The following TLL2 variants were observed in gnomAD, a reference collection of about 807,000 sequenced individuals.
The protein encoded by TLL2 is tolloid like 2.
A neutral mutation model predicts 123.0 loss-of-function variants in TLL2; 106 were observed. That is an observed-to-expected ratio of 0.86 (90% CI 0.74 to 1.01). The LOEUF (loss-of-function observed/expected upper bound fraction) is 1.01. Among genes scored for constraint, TLL2 ranks in the 50% least tolerant of loss-of-function variants. The probability of loss-of-function intolerance (pLI) is 0.00; values close to 1 mark genes in which losing one functional copy is unlikely to be tolerated. For missense variants in TLL2, 1,332 were observed against 1,336.7 expected (o/e 1.00, Z 0.06); for synonymous variants, 494 against 516.8 (o/e 0.96, Z 0.60).
intron 1 of TLL2, among the ~76,000 whole-genome samples, chr10:96,498,740 C>T (rs750438451): frequency 3.9e-5 from 6 of 152,208 alleles, no homozygotes; most frequent in Non-Finnish European, 7.3e-5. Flanking sequence ...TACTTTTCCA[C>T]CCCTTCCATA....
chr10:96,371,798 G>C (rs1390668171), intron 19 of TLL2, among the ~76,000 whole-genome samples: 2 of 152,196 alleles, frequency 1.3e-5, no homozygotes, highest in Non-Finnish European at 2.9e-5. Context: ...GGGAGCACCA[G>C]CAGATCAGAG....
chr10:96,426,165 A>G (rs59815794), intron 5 of TLL2, among the ~76,000 whole-genome samples: 7,130 of 152,114 alleles, frequency 0.047, 535 homozygotes, highest in African/African-American at 0.16. Flanking sequence ...TCTTTGACCA[A>G]TCAATCTTGA....
At chr10:96,438,556 T>C (rs1231074934) in intron 3 of TLL2, among the ~76,000 whole-genome samples, 1 of 152,248 alleles carries the variant, frequency 6.6e-6, no homozygotes, top group Non-Finnish European at 1.5e-5. Context: ...TTTTCCTTAA[T>C]AGATTTCTTA....
chr10:96,440,210 C>T (rs1352517534), intron 3 of TLL2, among the ~76,000 whole-genome samples: 1 of 152,190 alleles, frequency 6.6e-6, no homozygotes. Flanking sequence ...GTGAATTTTT[C>T]TGGTAGACTG....
At chr10:96,459,030 A>G (rs1847046767) in intron 2 of TLL2, among the ~76,000 whole-genome samples, 1 of 152,240 alleles carries the variant, frequency 6.6e-6, no homozygotes, top group African/African-American at 2.4e-5. Flanking sequence ...AAATGTGTAT[A>G]ACTGCAAGAG....
intron 4 of TLL2, among the ~76,000 whole-genome samples, chr10:96,431,875 G>A (rs1000559272): frequency 2.6e-5 from 4 of 152,146 alleles, no homozygotes; most frequent in African/African-American, 9.7e-5. Flanking sequence ...GCCATGCAAA[G>A]ACCTGGGGAA....
At position 96,365,605 on chromosome 10, in the gene TLL2, A is replaced by T. The variant is rs2134046894; in HGVS notation, c.*2483T>A. On this transcript the variant is annotated 3_prime_UTR_variant, in exon 21 of 21. Transcript: ENST00000357947. ...CTACCTCTGCTGTTTGCTTCTGGGG[A>T]TGCTTGCAGGCAGGTCACTGATAAT... 1 of 152,364 alleles carries T rather than the reference A, an allele frequency of 6.6e-6. No homozygotes were observed. The highest frequency in any genetic ancestry group is 6.5e-5 in the Admixed American group (1 of 15,306). The allele number at this position is 152,364 out of a possible 1,614,324, so 9.4% of individuals were successfully genotyped here.
intron 3 of TLL2, among the ~76,000 whole-genome samples, chr10:96,436,834 T>C (rs4919019): frequency 0.91 from 137,494 of 151,890 alleles, 63,612 homozygotes; most frequent in Non-Finnish European, 1. Flanking sequence ...CACAGGCATA[T>C]GCCACCACCC....
At chr10:96,418,762 T>G (rs1846591366) in intron 7 of TLL2, among the ~76,000 whole-genome samples, 1 of 147,912 alleles carries the variant, frequency 6.8e-6, no homozygotes. Context: ...ATAATAATTA[T>G]TAATAGCTAA....
chr10:96,497,720 T>C (rs1847491337), intron 1 of TLL2, among the ~76,000 whole-genome samples: 1 of 152,214 alleles, frequency 6.6e-6, no homozygotes, highest in Non-Finnish European at 1.5e-5. Context: ...TTTGTTCCCT[T>C]AACCCTGCAT....
intron 5 of TLL2, among the ~76,000 whole-genome samples, chr10:96,425,006 C>CT (rs1294534701): frequency 1.0e-3 from 149 of 142,776 alleles, no homozygotes; most frequent in East Asian, 1.4e-3. Flanking sequence ...AGGAGTCCAG[C>CT]TTTTTTTTTT....
At chr10:96,453,851 T>A (rs1275317241) in intron 2 of TLL2, among the ~76,000 whole-genome samples, 1 of 152,236 alleles carries the variant, frequency 6.6e-6, no homozygotes, top group Non-Finnish European at 1.5e-5. Context: ...ATTGTGATTA[T>A]CTCTGGTGGT....
chr10:96,378,992 G>A lies in TLL2; in HGVS notation c.2295C>T (p.His765=), dbSNP rs776952682. 31 of 1,614,186 alleles carry A rather than the reference G, an allele frequency of 1.9e-5. No homozygotes were observed. The highest frequency in any genetic ancestry group is 5.5e-5 in the South Asian group (5 of 91,088). The change falls in exon 17 of 21, where the codon CAC becomes CAT. Residue 765 remains histidine (H), a synonymous_variant. Transcript: ENST00000357947. ...CCTCTTTGCAGTCATGCCCATTCTCGTGGAGCCAGTAGCCGTTTCTGCACC... is the reference window on the plus strand; with the variant it reads ...CCTCTTTGCAGTCATGCCCATTCTCATGGAGCCAGTAGCCGTTTCTGCACC... The part of the protein sequence containing the change: ...LCRCRNGYWL[H]ENGHDCKEAG...
At chr10:96,410,108 A>C (rs953628415) in intron 9 of TLL2, among the ~76,000 whole-genome samples, 1 of 152,194 alleles carries the variant, frequency 6.6e-6, no homozygotes, top group Non-Finnish European at 1.5e-5. Context: ...GTATTTGTTA[A>C]GGTTGGAAGG....
At chr10:96,448,770 C>T (rs115302778) in intron 2 of TLL2, among the ~76,000 whole-genome samples, 1,533 of 151,748 alleles carry the variant, frequency 0.01, 25 homozygotes, top group African/African-American at 0.035. Context: ...TGTGCTTGGC[C>T]GGGGGGAGGT....
At chr10:96,374,294 T>A (rs1846113967) in intron 18 of TLL2, 1 of 170,006 alleles carries the variant, frequency 5.9e-6, no homozygotes, top group African/African-American at 2.4e-5. Flanking sequence ...ATGTGTCTAA[T>A]CCCCGCTTTA....
rs1291923073 is a variant in TLL2, at chr10:96,366,233, C to T, written c.*1855G>A. 1.3e-5 allele frequency: 2 copies of T among 152,572 alleles called. No individual in the cohort carries two copies. Among genetic ancestry groups the T allele is most frequent in the African/African-American group, 2.4e-5 (1 of 41,440 alleles). The allele number at this position is 152,572 out of a possible 1,614,324, so 9.5% of individuals were successfully genotyped here. On this transcript the variant is annotated 3_prime_UTR_variant, in exon 21 of 21. Transcript: ENST00000357947. ...AGCTGCTCCATTTGCTGTATCAAAGCGCACGCTGGGCAGGGTCTGCCATAT... is the reference window on the plus strand; with the variant it reads ...AGCTGCTCCATTTGCTGTATCAAAGTGCACGCTGGGCAGGGTCTGCCATAT...
intron 1 of TLL2, among the ~76,000 whole-genome samples, chr10:96,492,579 G>A (rs1036811110): frequency 6.6e-6 from 1 of 152,268 alleles, no homozygotes; most frequent in Non-Finnish European, 1.5e-5. Context: ...AGCCAAGATC[G>A]CTCCAATGCA....
intron 7 of TLL2, 41 bp downstream of exon 7, chr10:96,420,915 G>A (rs779308173): frequency 1.1e-5 from 18 of 1,580,766 alleles, no homozygotes; most frequent in Non-Finnish European, 1.5e-5. Flanking sequence ...CCTGCCGCAG[G>A]CACAGTAAAA....
Sources: allele counts gnomAD v4.1 joint callset (sites outside exome capture counted in the v4.1 genomes callset), GRCh38; gene constraint gnomAD v4.1.1; transcripts MANE v1.5; gene names NCBI Gene and HGNC (gene_info 2026-07-23, HGNC 2026-07-21).